Variants in MROH9 observed in about 807,000 individuals in gnomAD.
The protein encoded by MROH9 is maestro heat like repeat family member 9.
MROH9 carries 92 observed loss-of-function variants against 98.2 expected under a neutral mutation model. The ratio of observed to expected loss-of-function variants is 0.94; its 90% CI spans 0.79 to 1.11. The LOEUF (loss-of-function observed/expected upper bound fraction) is 1.11, where lower values mean the gene tolerates loss of function less well. Ranked by LOEUF, MROH9 falls within the 50% of genes most tolerant of loss-of-function variation. MROH9 has a pLI of 0.00. For synonymous variants in MROH9, 397 were observed against 368.9 expected (o/e 1.08, Z -0.87); for missense variants, 1,057 against 1,014.8 (o/e 1.04, Z -0.57).
At chr1:170,970,901 CA>C (rs1650433107) in intron 7 of MROH9, among the ~76,000 whole-genome samples, 1 of 152,152 alleles carries the variant, frequency 6.6e-6, no homozygotes, top group South Asian at 2.1e-4. Flanking sequence ...CTCCAATCAT[CA>C]AAGCCTCTAC....
Position 170,947,586 on chromosome 1 carries a change from CTA to C in MROH9, c.72+16_72+17del, listed in dbSNP as rs556824928. 8.9e-4 allele frequency: 1,419 copies of C among 1,602,824 alleles called. 6 individuals are homozygous for C. Among genetic ancestry groups the C allele is most frequent in the Middle Eastern group, 5.5e-3 (33 of 6,024 alleles). On this transcript the variant is annotated intron_variant, in intron 3 of 21. Transcript: ENST00000367759. ...ATGGCACCACATGGTAAGTGATATTCTATAAGGATATCAACGTAACTGAATTC... is the reference window on the plus strand; with the variant it reads ...ATGGCACCACATGGTAAGTGATATTCTAAGGATATCAACGTAACTGAATTC...
At chr1:170,970,745 A>T (rs1176049742) in intron 7 of MROH9, among the ~76,000 whole-genome samples, 75 of 132,712 alleles carry the variant, frequency 5.7e-4, no homozygotes, top group African/African-American at 1.4e-3. Flanking sequence ...AGAGAGAGAG[A>T]GAGAGAGAGA....
At chr1:170,954,234 T>C (rs2101882980) in intron 3 of MROH9, among the ~76,000 whole-genome samples, 1 of 152,274 alleles carries the variant, frequency 6.6e-6, no homozygotes, top group Admixed American at 6.5e-5. Flanking sequence ...TATACTACAC[T>C]ATTGATTGGA....
Position 171,064,566 on chromosome 1 carries a change from A to C in MROH9, c.*226A>C, listed in dbSNP as rs1372840998. 1 of 437,336 alleles carries C rather than the reference A, an allele frequency of 2.3e-6. No individual in the cohort carries two copies. The highest frequency in any genetic ancestry group is 4.0e-6 in the Non-Finnish European group (1 of 251,770). The allele number at this position is 437,336 out of a possible 1,614,324, so 27.1% of individuals were successfully genotyped here. On this transcript the variant is annotated 3_prime_UTR_variant, in exon 22 of 22. Transcript: ENST00000367759. ...TGCCTCTGTATGTCTGACAGTGATC[A>C]GAAGCCCTATTTCATCAAAACCACT...
chr1:170,984,899 C>A (rs1379974753), intron 9 of MROH9, among the ~76,000 whole-genome samples: 4 of 152,052 alleles, frequency 2.6e-5, no homozygotes, highest in African/African-American at 9.7e-5. Flanking sequence ...AGAAACAAGA[C>A]CAAGAGGCCT....
chr1:171,015,656 TG>T (rs145062325), intron 16 of MROH9, among the ~76,000 whole-genome samples: 5,256 of 152,106 alleles, frequency 0.035, 308 homozygotes, highest in African/African-American at 0.12. Context: ...CATGTCCAAA[TG>T]GGTCACTATC....
chr1:171,037,926 A>G (rs1025995210), intron 20 of MROH9, among the ~76,000 whole-genome samples: 3 of 152,000 alleles, frequency 2.0e-5, no homozygotes, highest in Non-Finnish European at 4.4e-5. Flanking sequence ...TCTTACACGA[A>G]ACAAAATCCA....
At chr1:171,042,389 C>A (rs1230868188) in intron 20 of MROH9, among the ~76,000 whole-genome samples, 1 of 152,016 alleles carries the variant, frequency 6.6e-6, no homozygotes, top group Non-Finnish European at 1.5e-5. Context: ...ATGCATTAAT[C>A]TGTTGATGAA....
intron 20 of MROH9, among the ~76,000 whole-genome samples, chr1:171,036,198 G>A (rs1653092850): frequency 1.3e-5 from 2 of 152,072 alleles, no homozygotes; most frequent in Non-Finnish European, 2.9e-5. Context: ...TAAACTCAGG[G>A]TAGCGTTTAC....
At chr1:171,063,162 T>C (rs1330358899) in intron 21 of MROH9, among the ~76,000 whole-genome samples, 1 of 152,172 alleles carries the variant, frequency 6.6e-6, no homozygotes, top group Non-Finnish European at 1.5e-5. Context: ...TTTGTTTCTA[T>C]TTCTTTTATC....
intron 20 of MROH9, among the ~76,000 whole-genome samples, chr1:171,043,359 A>T (rs1475387628): frequency 6.6e-6 from 1 of 151,974 alleles, no homozygotes; most frequent in Non-Finnish European, 1.5e-5. Context: ...TGCCGGTACC[A>T]TGTTGTTTTG....
At chr1:171,007,528 G>C (rs1652002738) in intron 15 of MROH9, among the ~76,000 whole-genome samples, 1 of 152,170 alleles carries the variant, frequency 6.6e-6, no homozygotes, top group Admixed American at 6.5e-5. Flanking sequence ...CTGCAGGATA[G>C]GCATGTTCCT....
At chr1:170,994,422 G>A (rs1183761171) in intron 12 of MROH9, among the ~76,000 whole-genome samples, 1 of 152,020 alleles carries the variant, frequency 6.6e-6, no homozygotes. Context: ...GAAGTTTTCT[G>A]TCATGTGTTC....
At chr1:170,992,069 G>T (rs1291593551) in intron 11 of MROH9, 95 bp from the exon 12 acceptor site, 2 of 1,334,234 alleles carry the variant, frequency 1.5e-6, no homozygotes, top group Non-Finnish European at 9.9e-7. Flanking sequence ...ATATAAAAAT[G>T]TAAAACCAAG....
At chr1:170,993,791 C>G (rs1651455439) in intron 12 of MROH9, among the ~76,000 whole-genome samples, 1 of 152,018 alleles carries the variant, frequency 6.6e-6, no homozygotes, top group Non-Finnish European at 1.5e-5. Context: ...AAAAGTTGAC[C>G]AGCTCTTATG....
At chr1:170,972,190 T>C (rs919787905) in intron 8 of MROH9, among the ~76,000 whole-genome samples, 1 of 152,154 alleles carries the variant, frequency 6.6e-6, no homozygotes, top group Non-Finnish European at 1.5e-5. Context: ...AATGGGACTT[T>C]AAAAATGCGG....
chr1:170,981,724 G>A (rs761924405), intron 8 of MROH9, among the ~76,000 whole-genome samples: 8 of 142,670 alleles, frequency 5.6e-5, no homozygotes, highest in East Asian at 4.1e-4. Context: ...ATCCCCTTCC[G>A]CTTTTTTTTT....
chr1:171,010,251 A>G (rs1054093456), intron 15 of MROH9, among the ~76,000 whole-genome samples: 1 of 152,166 alleles, frequency 6.6e-6, no homozygotes, highest in African/African-American at 2.4e-5. Context: ...AGCTTCATCC[A>G]TGTCCCTGCA....
rs148057303 is a variant in MROH9 at position 170,935,705 on chromosome 1, T to C, written c.-38+118T>C. 1.7e-3 allele frequency: 253 copies of C among 151,948 alleles called. 2 individuals are homozygous for C. Among genetic ancestry groups the C allele is most frequent in the African/African-American group, 6.0e-3 (248 of 41,494 alleles). 9.4% of individuals were successfully genotyped at this position (151,948 alleles called of 1,614,324 possible). ...AAAGAACCATGAATACATTAGAAAA[T>C]TACGTTATGGCCCAGGTATGGTGGC... On this transcript the variant is annotated intron_variant, in intron 1 of 21. Coordinates refer to ENST00000367759, the MANE Select transcript of MROH9 (RefSeq NM_001163629.2).
Sources: gnomAD v4.1 joint callset for allele counts (sites outside exome capture counted in the v4.1 genomes callset) on GRCh38, gnomAD v4.1.1 for gene constraint, MANE v1.5 for transcripts, NCBI Gene and HGNC (gene_info 2026-07-23, HGNC 2026-07-21) for gene names.